Variants in BRIP1 observed in about 807,000 individuals in gnomAD.
BRIP1 encodes the protein Fanconi anemia group J protein.
A neutral mutation model predicts 119.7 loss-of-function variants in BRIP1; 88 were observed. The ratio of observed to expected loss-of-function variants is 0.74; its 90% CI spans 0.62 to 0.88. The LOEUF (loss-of-function observed/expected upper bound fraction) is 0.88. Among genes scored for constraint, BRIP1 ranks in the 40% least tolerant of loss-of-function variants. The pLI, the probability that BRIP1 is intolerant of heterozygous loss-of-function variation, is 0.00. For synonymous variants in BRIP1, 443 were observed against 496.5 expected (o/e 0.89, Z 1.43); for missense variants, 1,259 against 1,455.4 (o/e 0.87, Z 2.20).
At chr17:61,811,077 A>G (rs929069635) in intron 6 of BRIP1, among the ~76,000 whole-genome samples, 1 of 152,214 alleles carries the variant, frequency 6.6e-6, no homozygotes, top group Non-Finnish European at 1.5e-5. Context: ...TTTTCACTCC[A>G]TAATTCAGAA....
rs987999931 is a variant in BRIP1, at chr17:61,713,097, G to A, written c.2492+2854C>T. 1.3e-5 allele frequency among the ~76,000 whole-genome samples: 2 copies of A among 152,124 alleles called. No individual in the cohort carries two copies. The highest frequency in any genetic ancestry group is 2.1e-4 in the South Asian group (1 of 4,828). ...TGAAAAATTCCTATCACCTAGTGAT[G>A]TCACCATTGTAACATTATAGCACAA... On this transcript the variant is annotated intron_variant, in intron 17 of 19. Transcript: ENST00000259008. The surrounding 1 kb of genome is among the most constrained non-coding windows in gnomAD (Gnocchi z 4.9).
rs1199476119 is a variant in BRIP1, at chr17:61,687,362, T to G, written c.2576-1197A>C. Among the ~76,000 whole-genome samples, 3 of 152,210 alleles carry G rather than the reference T, an allele frequency of 2.0e-5. No individual in the cohort carries two copies. Among genetic ancestry groups the G allele is most frequent in the Non-Finnish European group, 4.4e-5 (3 of 68,030 alleles). On this transcript the variant is annotated intron_variant, in intron 18 of 19. Transcript: ENST00000259008. This position sits in a 1 kb window ranked among gnomAD's most constrained non-coding sequence, Gnocchi z 5.1. ...ATATCATTGTCTGCTTTTGAAAACT[T>G]GAAAGAATCTGAGCTCCACCTGCTG...
chr17:61,749,170 GA>G (rs1188609719), intron 14 of BRIP1, among the ~76,000 whole-genome samples: 1 of 150,188 alleles, frequency 6.7e-6, no homozygotes, highest in South Asian at 2.1e-4. Flanking sequence ...AAAACTCTTA[GA>G]AAAAAACACA....
At chr17:61,801,710 T>C (rs2077998525) in intron 7 of BRIP1, among the ~76,000 whole-genome samples, 2 of 152,150 alleles carry the variant, frequency 1.3e-5, no homozygotes, top group South Asian at 4.1e-4. Context: ...GAGCTCCAAA[T>C]ACCCTAAATT....
chr17:61,782,648 C>G (rs894545771), intron 11 of BRIP1, among the ~76,000 whole-genome samples: 11 of 152,068 alleles, frequency 7.2e-5, no homozygotes, highest in African/African-American at 2.4e-4. Flanking sequence ...TAAATAACTA[C>G]AGCTCAACAA....
intron 16 of BRIP1, among the ~76,000 whole-genome samples, chr17:61,716,620 G>A (rs919121745): frequency 6.6e-5 from 10 of 151,832 alleles, no homozygotes; most frequent in Non-Finnish European, 1.0e-4. Flanking sequence ...ATCCAGTCTG[G>A]TAATCTCTGC....
rs1338284432 is a variant in BRIP1 at position 61,758,923 on chromosome 17, C to G, written c.2098-14332G>C. On this transcript the variant is annotated intron_variant, in intron 14 of 19. Transcript: ENST00000259008. This position sits in a 1 kb window ranked among gnomAD's most constrained non-coding sequence, Gnocchi z 5.3. Reference sequence around the variant, plus strand: ...GCTACTCAGGAGGCTGAGGTTGATCCCTTCAACCCAGGAGTTCAAGGTTAT... The same window carrying G: ...GCTACTCAGGAGGCTGAGGTTGATCGCTTCAACCCAGGAGTTCAAGGTTAT... Among the ~76,000 whole-genome samples, 2 of 151,710 alleles carry G rather than the reference C, an allele frequency of 1.3e-5. No homozygotes were observed. The highest frequency in any genetic ancestry group is 2.9e-5 in the Non-Finnish European group (2 of 67,934).
At position 61,735,625 on chromosome 17, in the gene BRIP1, C is replaced by CAAAAAA. The variant is rs753949795; in HGVS notation, c.2379+7382_2379+7387dup. Among the ~76,000 whole-genome samples the CAAAAAA allele has an allele frequency of 8.2e-6, 1 of 121,984 alleles. No homozygotes were observed. Among genetic ancestry groups the CAAAAAA allele is most frequent in the Non-Finnish European group, 1.8e-5 (1 of 56,426 alleles). 80.0% of individuals were successfully genotyped at this position (121,984 alleles called of 152,430 possible). ...GCAACATAGCAAGATCCTGCCTCTA[C>CAAAAAA]AAAAAAAAAAAAACCACGTTTAAAA... On this transcript the variant is annotated intron_variant, in intron 16 of 19. Coordinates refer to ENST00000259008, the MANE Select transcript of BRIP1 (RefSeq NM_032043.3). This position sits in a 1 kb window ranked among gnomAD's most constrained non-coding sequence, Gnocchi z 4.4.
intron 14 of BRIP1, among the ~76,000 whole-genome samples, chr17:61,771,032 G>A (rs1412806161): frequency 2.0e-5 from 3 of 152,120 alleles, no homozygotes; most frequent in Non-Finnish European, 4.4e-5. Flanking sequence ...GTCTATAAGA[G>A]ACACACTTTA....
intron 16 of BRIP1, among the ~76,000 whole-genome samples, chr17:61,718,789 G>C (rs904425874): frequency 6.6e-6 from 1 of 152,160 alleles, no homozygotes; most frequent in Non-Finnish European, 1.5e-5. Flanking sequence ...GTATCCATGG[G>C]TGACTGGTTT....
intron 17 of BRIP1, among the ~76,000 whole-genome samples, chr17:61,712,119 A>C (rs551822821): frequency 1.3e-5 from 2 of 152,078 alleles, no homozygotes; most frequent in African/African-American, 4.8e-5. Flanking sequence ...AAAAATAAAA[A>C]TTTTTTATTT....
At position 61,742,406 on chromosome 17, in the gene BRIP1, A is replaced by G. The variant is rs1400881871; in HGVS notation, c.2379+607T>C. Among the ~76,000 whole-genome samples, 1 of 152,172 alleles carries G rather than the reference A, an allele frequency of 6.6e-6. No homozygotes were observed. The highest frequency in any genetic ancestry group is 1.9e-4 in the East Asian group (1 of 5,196). Reference sequence around the variant, plus strand: ...TTTCCTTTGCATTCACAATATGGCTAATTGGTTGGTGCAAGAGGCCTAGCT... The same window carrying G: ...TTTCCTTTGCATTCACAATATGGCTGATTGGTTGGTGCAAGAGGCCTAGCT... On this transcript the variant is annotated intron_variant, in intron 16 of 19. Transcript: ENST00000259008. This position sits in a 1 kb window ranked among gnomAD's most constrained non-coding sequence, Gnocchi z 4.7.
At position 61,766,146 on chromosome 17, in the gene BRIP1, G is replaced by A. The variant is rs181170567; in HGVS notation, c.2097+10255C>T. Among the ~76,000 whole-genome samples the A allele has an allele frequency of 4.3e-3, 657 of 152,188 alleles. 1 individual carries two copies. The highest frequency in any genetic ancestry group is 6.8e-3 in the Non-Finnish European group (462 of 67,984). Reference sequence around the variant, plus strand: ...ATTTCAAACAGTAGAATACTATTACGAGGATAGCATTGAACTAGAAAATCA... The same window carrying A: ...ATTTCAAACAGTAGAATACTATTACAAGGATAGCATTGAACTAGAAAATCA... On this transcript the variant is annotated intron_variant, in intron 14 of 19. Coordinates refer to ENST00000259008, the MANE Select transcript of BRIP1 (RefSeq NM_032043.3).
At chr17:61,788,596 T>A (rs2145195872) in intron 10 of BRIP1, among the ~76,000 whole-genome samples, 1 of 152,240 alleles carries the variant, frequency 6.6e-6, no homozygotes, top group South Asian at 2.1e-4. Flanking sequence ...AATTAACAAA[T>A]GTGACAAATT....
In BRIP1 at chr17:61,687,710, A is replaced by T. The variant is rs2061382100; in HGVS notation, c.2576-1545T>A. ...CTGGTATTGACTCTGAAAACTGTTT[A>T]CTGTTGGATGAAACCATCGAGTGAG... On this transcript the variant is annotated intron_variant, in intron 18 of 19. Transcript: ENST00000259008. The surrounding 1 kb of genome is among the most constrained non-coding windows in gnomAD (Gnocchi z 5.1). Among the ~76,000 whole-genome samples the T allele has an allele frequency of 6.6e-6, 1 of 152,196 alleles. No individual in the cohort carries two copies. The highest frequency in any genetic ancestry group is 2.4e-5 in the African/African-American group (1 of 41,450).
chr17:61,744,101 A>G lies in BRIP1; in HGVS notation c.2257+331T>C, dbSNP rs905709516. Reference sequence around the variant, plus strand: ...TACAAGCACCAAGTGTACTAAATGCATCAGAATATAGGTCTCATTTGGCTA... The same window carrying G: ...TACAAGCACCAAGTGTACTAAATGCGTCAGAATATAGGTCTCATTTGGCTA... On this transcript the variant is annotated intron_variant, in intron 15 of 19. Transcript: ENST00000259008. The surrounding 1 kb of genome is among the most constrained non-coding windows in gnomAD (Gnocchi z 5.0). Among the ~76,000 whole-genome samples the G allele has an allele frequency of 3.3e-5, 5 of 152,216 alleles. No individual in the cohort carries two copies. Among genetic ancestry groups the G allele is most frequent in the African/African-American group, 1.2e-4 (5 of 41,460 alleles).
chr17:61,859,849 C>CCACTT lies in BRIP1; in HGVS notation c.147_151dup (p.Gly51GlufsTer6), dbSNP rs2078950289. The CCACTT allele has an allele frequency of 6.2e-7, 1 of 1,613,988 alleles. No individual in the cohort carries two copies. Among genetic ancestry groups the CCACTT allele is most frequent in the Non-Finnish European group, 8.5e-7 (1 of 1,179,922 alleles). ...AGAACAAAGTAAGGCTAAGCTTTTT[C>CCACTT]CACTTCCTGTGGGACTCTCCAACAA... On this transcript the variant is annotated frameshift_variant, in exon 3 of 20. Coordinates refer to ENST00000259008, the MANE Select transcript of BRIP1 (RefSeq NM_032043.3). LOFTEE classifies it high-confidence loss of function.
chr17:61,697,051 C>T (rs2061536189), intron 17 of BRIP1, among the ~76,000 whole-genome samples: 1 of 146,616 alleles, frequency 6.8e-6, no homozygotes, highest in African/African-American at 2.5e-5. Context: ...ACTTGTTATA[C>T]ATCTATTCAG....
chr17:61,690,237 C>A lies in BRIP1; in HGVS notation c.2575+3193G>T, dbSNP rs1258851261. Among the ~76,000 whole-genome samples, 1 of 152,128 alleles carries A rather than the reference C, an allele frequency of 6.6e-6. No homozygotes were observed. Among genetic ancestry groups the A allele is most frequent in the Non-Finnish European group, 1.5e-5 (1 of 68,024 alleles). On this transcript the variant is annotated intron_variant, in intron 18 of 19. Transcript: ENST00000259008. This position sits in a 1 kb window ranked among gnomAD's most constrained non-coding sequence, Gnocchi z 5.6. ...AAAGGAAGCCTGCTAAACAGCAACA[C>A]AAAAGCATAAAGTTTGCTCGTGAAG... is the stretch of plus-strand genomic sequence containing the variant.
Sources: allele counts gnomAD v4.1 joint callset (sites outside exome capture counted in the v4.1 genomes callset), GRCh38; gene constraint gnomAD v4.1.1; non-coding constraint Gnocchi (gnomAD v3.1); transcripts MANE v1.5; gene names NCBI Gene and HGNC (gene_info 2026-07-23, HGNC 2026-07-21).